Variants in JARID2 observed in about 807,000 individuals in gnomAD.
JARID2 encodes the protein jumonji and AT-rich interaction domain containing 2.
JARID2 carries 21 observed loss-of-function variants against 125.6 expected under a neutral mutation model. The ratio of observed to expected loss-of-function variants is 0.17; its 90% CI spans 0.12 to 0.24. The LOEUF is 0.24. Among genes scored for constraint, JARID2 ranks in the 10% least tolerant of loss-of-function variants. The pLI is 1.00. For synonymous variants in JARID2, 736 were observed against 661.6 expected, an observed-to-expected ratio of 1.11 and a Z score of -1.73; for missense variants, 1,303 against 1,639.6, an observed-to-expected ratio of 0.79 and a Z score of 3.55.
At chr6:15,357,017 CAA>C (rs1247457047) in intron 1 of JARID2, among the ~76,000 whole-genome samples, 1 of 150,604 alleles carries the variant, frequency 6.6e-6, no homozygotes, top group Admixed American at 6.6e-5. Flanking sequence ...GTCTCAAAAA[CAA>C]ACAAAAAACA....
At position 15,383,355 on chromosome 6, in the gene JARID2, T is replaced by C. The variant is rs567609340; in HGVS notation, c.181+9103T>C. ...TCTTTCTATAAGGGTCTCTCTAGTT[T>C]CTTTGCGGATGAAATTAATAACTCC... On this transcript the variant is annotated intron_variant, in intron 2 of 17. Coordinates refer to ENST00000341776, the MANE Select transcript of JARID2 (RefSeq NM_004973.4). Among the ~76,000 whole-genome samples, 3 of 151,946 alleles carry C rather than the reference T, an allele frequency of 2.0e-5. No individual in the cohort carries two copies. The East Asian group carries it at 5.8e-4, about 29-fold the overall frequency.
At chr6:15,444,153 G>A (rs915409639) in intron 3 of JARID2, among the ~76,000 whole-genome samples, 14 of 152,124 alleles carry the variant, frequency 9.2e-5, no homozygotes, top group African/African-American at 3.1e-4. Flanking sequence ...GGCATTCTGC[G>A]TAGGATAACT....
intron 3 of JARID2, among the ~76,000 whole-genome samples, chr6:15,417,741 C>A (rs1561849396): frequency 6.7e-6 from 1 of 149,394 alleles, no homozygotes; most frequent in East Asian, 1.9e-4. Flanking sequence ...GACTCTGTCT[C>A]AAAAAAAAAC....
chr6:15,363,728 G>A (rs1009202203), intron 1 of JARID2, among the ~76,000 whole-genome samples: 8 of 152,132 alleles, frequency 5.3e-5, no homozygotes, highest in African/African-American at 1.9e-4. Flanking sequence ...TACAGGAAAT[G>A]TGTGTGCCCT....
chr6:15,338,150 A>T (rs556362092), intron 1 of JARID2, among the ~76,000 whole-genome samples: 1 of 152,274 alleles, frequency 6.6e-6, no homozygotes, highest in South Asian at 2.1e-4. Flanking sequence ...AGTGGTACCT[A>T]TGGCTGGCCC....
intron 1 of JARID2, among the ~76,000 whole-genome samples, chr6:15,297,365 G>C (rs947265062): frequency 6.6e-6 from 1 of 151,894 alleles, no homozygotes; most frequent in African/African-American, 2.4e-5. Context: ...GGCCAGGCTG[G>C]TCTTGAACTC....
At chr6:15,504,396 C>G in intron 8 of JARID2, 104 bp from the exon 9 acceptor site, 2 of 795,828 alleles carry the variant, frequency 2.5e-6, no homozygotes, top group South Asian at 2.8e-5. Flanking sequence ...GGCCCACAGC[C>G]GCAGGGACGC....
chr6:15,334,682 A>G (rs1010503012), intron 1 of JARID2, among the ~76,000 whole-genome samples: 2 of 152,116 alleles, frequency 1.3e-5, no homozygotes, highest in Admixed American at 1.3e-4. Context: ...ATCTTCCATC[A>G]TGTTGTTTGT....
At chr6:15,348,026 C>A (rs1763299825) in intron 1 of JARID2, among the ~76,000 whole-genome samples, 2 of 152,216 alleles carry the variant, frequency 1.3e-5, no homozygotes, top group East Asian at 3.9e-4. Flanking sequence ...CAGGTGTGAG[C>A]CACCACACCC....
chr6:15,450,966 T>G (rs1203451861), intron 3 of JARID2, among the ~76,000 whole-genome samples: 1 of 151,994 alleles, frequency 6.6e-6, no homozygotes, highest in Admixed American at 6.6e-5. Flanking sequence ...AGTTCAAGAC[T>G]AGCCTGGCCA....
In JARID2 at chr6:15,264,926, C is replaced by CA. The variant is rs139793027; in HGVS notation, c.45+18348dup. 1.5e-3 allele frequency among the ~76,000 whole-genome samples: 235 copies of CA among 152,102 alleles called. 1 individual carries two copies. Among genetic ancestry groups the CA allele is most frequent in the African/African-American group, 5.5e-3 (229 of 41,492 alleles). On this transcript the variant is annotated intron_variant, in intron 1 of 17. Coordinates refer to ENST00000341776, the MANE Select transcript of JARID2 (RefSeq NM_004973.4). ...ACAATGATAGTCTTGCTGTATTGTG[C>CA]AAAAAAGGCTTCTGTTCAGACCCAG... is the stretch of plus-strand genomic sequence containing the variant.
At chr6:15,433,924 GTGTGTGTGTGT>G (rs1561860304) in intron 3 of JARID2, among the ~76,000 whole-genome samples, 6 of 25,360 alleles carry the variant, frequency 2.4e-4, no homozygotes, top group South Asian at 8.4e-4. Flanking sequence ...TCTCCAGGGT[GTGTGTGTGTGT>G]GTGTGTGTGT....
At chr6:15,402,529 G>A (rs966296271) in intron 2 of JARID2, among the ~76,000 whole-genome samples, 3 of 152,128 alleles carry the variant, frequency 2.0e-5, no homozygotes, top group Non-Finnish European at 4.4e-5. Flanking sequence ...CTTTCCACAT[G>A]TTGGGCCCAT....
At chr6:15,481,250 C>T (rs762686858) in intron 5 of JARID2, among the ~76,000 whole-genome samples, 7 of 152,208 alleles carry the variant, frequency 4.6e-5, no homozygotes, top group Non-Finnish European at 8.8e-5. Flanking sequence ...ATATTTGTCT[C>T]TGTTCGTTAA....
rs371233034 is a variant in JARID2 at position 15,374,616 on chromosome 6, C to G, written c.181+364C>G. On this transcript the variant is annotated intron_variant, in intron 2 of 17. Coordinates refer to ENST00000341776, the MANE Select transcript of JARID2 (RefSeq NM_004973.4). ...GGGTTGTATAGGAAATAGCCTAAAT[C>G]TTTCTGTCTACTGCTTTTCCTGCTC... Among the ~76,000 whole-genome samples the G allele has an allele frequency of 2.0e-5, 3 of 152,172 alleles. No homozygotes were observed. In the South Asian group the frequency reaches 6.2e-4, roughly 31 times the overall value.
intron 3 of JARID2, among the ~76,000 whole-genome samples, chr6:15,439,309 C>T (rs1767349349): frequency 6.6e-6 from 1 of 152,158 alleles, no homozygotes; most frequent in Admixed American, 6.5e-5. Flanking sequence ...TCTCTATCCT[C>T]CTCCTGTACT....
chr6:15,420,205 C>A (rs932557040), intron 3 of JARID2, among the ~76,000 whole-genome samples: 1 of 152,118 alleles, frequency 6.6e-6, no homozygotes, highest in African/African-American at 2.4e-5. Flanking sequence ...GAGTTCAAGA[C>A]CTTCCTGGCC....
chr6:15,246,607 C>T (rs920500514), intron 1 of JARID2, 23 bp downstream of exon 1: 4 of 1,596,968 alleles, frequency 2.5e-6, no homozygotes, highest in Non-Finnish European at 3.4e-6. Context: ...AACAACACAT[C>T]CTTTGACTTG....
At chr6:15,419,346 T>G (rs183677210) in intron 3 of JARID2, among the ~76,000 whole-genome samples, 73 of 152,328 alleles carry the variant, frequency 4.8e-4, no homozygotes, top group Admixed American at 1.4e-3. Context: ...GAGTAATAGA[T>G]TATGATGTGG....
Sources: allele counts gnomAD v4.1 joint callset (sites outside exome capture counted in the v4.1 genomes callset), GRCh38; gene constraint gnomAD v4.1.1; transcripts MANE v1.5; gene names NCBI Gene and HGNC (gene_info 2026-07-23, HGNC 2026-07-21).